The following NPSR1 variants were observed in gnomAD, a reference collection of about 807,000 sequenced individuals.
The protein encoded by NPSR1 is neuropeptide S receptor.
Under a neutral mutation model 46.9 loss-of-function variants are expected in NPSR1, and 48 were observed. That is an observed-to-expected ratio of 1.02 (90% CI 0.81 to 1.30). The LOEUF (loss-of-function observed/expected upper bound fraction) is 1.30, where lower values mean the gene tolerates loss of function less well. Ranked by LOEUF, NPSR1 falls within the 50% of genes most tolerant of loss-of-function variation. NPSR1 has a pLI of 0.00. For synonymous variants in NPSR1, 176 were observed against 168.1 expected (o/e 1.05, Z -0.36); for missense variants, 450 against 449.5 (o/e 1.00, Z -0.01).
At chr7:34,787,815 T>C (rs1787532669) in intron 3 of NPSR1, among the ~76,000 whole-genome samples, 1 of 152,084 alleles carries the variant, frequency 6.6e-6, no homozygotes, top group Admixed American at 6.6e-5. Flanking sequence ...CTTATATGGA[T>C]GTGATTTACA....
At chr7:34,743,841 A>G (rs1038968930) in intron 2 of NPSR1, among the ~76,000 whole-genome samples, 1 of 151,914 alleles carries the variant, frequency 6.6e-6, no homozygotes, top group African/African-American at 2.4e-5. Context: ...TTTTGTTATC[A>G]TTTTCTAGCT....
rs1211091205 is a variant in NPSR1, at chr7:34,774,171, A to C, written c.281-4291A>C. On this transcript the variant is annotated intron_variant, in intron 2 of 8. Transcript: ENST00000360581. Reference sequence around the variant, plus strand: ...GTCTTCCAAGGCTACCCCATAATTCAGCTGTACTTCAGTGATCATCTATTT... The same window carrying C: ...GTCTTCCAAGGCTACCCCATAATTCCGCTGTACTTCAGTGATCATCTATTT... Among the ~76,000 whole-genome samples, 3 of 152,194 alleles carry C rather than the reference A, an allele frequency of 2.0e-5. No individual in the cohort carries two copies. The East Asian group carries it at 5.8e-4, about 29-fold the overall frequency.
At chr7:34,806,643 A>G (rs571417818) in intron 3 of NPSR1, among the ~76,000 whole-genome samples, 1 of 152,222 alleles carries the variant, frequency 6.6e-6, no homozygotes, top group Admixed American at 6.5e-5. Context: ...GAACCTTAAT[A>G]TAAACAATGG....
rs1204275465 is a variant in NPSR1, at chr7:34,803,163, T to C, written c.385-8607T>C. 2.6e-5 allele frequency among the ~76,000 whole-genome samples: 4 copies of C among 151,652 alleles called. No individual in the cohort carries two copies. The East Asian group carries it at 5.8e-4, about 22-fold the overall frequency. On this transcript the variant is annotated intron_variant, in intron 3 of 8. Coordinates refer to ENST00000360581, the MANE Select transcript of NPSR1 (RefSeq NM_207172.2). ...CCCTTGTGGAAGTCAGTGTGGCGATTCCTCAGGGATCTAGAACTAGAAATA... is the reference window on the plus strand; with the variant it reads ...CCCTTGTGGAAGTCAGTGTGGCGATCCCTCAGGGATCTAGAACTAGAAATA...
chr7:34,780,312 A>G (rs1005249878), intron 3 of NPSR1, among the ~76,000 whole-genome samples: 9 of 152,168 alleles, frequency 5.9e-5, no homozygotes, highest in Admixed American at 5.2e-4. Context: ...TTGATAACCT[A>G]TGGTTTCTCC....
intron 8 of NPSR1, 75 bp from the exon 9 acceptor site, chr7:34,849,490 G>T (rs188835668): frequency 2.5e-6 from 4 of 1,603,526 alleles, no homozygotes; most frequent in African/African-American, 2.7e-5. Flanking sequence ...CATAACTATT[G>T]TCTCTTAACA....
chr7:34,803,620 T>C (rs1788537557), intron 3 of NPSR1, among the ~76,000 whole-genome samples: 1 of 151,890 alleles, frequency 6.6e-6, no homozygotes, highest in South Asian at 2.1e-4. Context: ...TAATGCTAAA[T>C]GACAAGTTAG....
At chr7:34,845,994 C>G (rs373274025) in intron 7 of NPSR1, among the ~76,000 whole-genome samples, 3 of 152,180 alleles carry the variant, frequency 2.0e-5, no homozygotes, top group African/African-American at 7.2e-5. Flanking sequence ...CTTTCTGAAA[C>G]GCAACTGCAA....
At chr7:34,725,154 G>C (rs1014135866) in intron 2 of NPSR1, among the ~76,000 whole-genome samples, 2 of 150,284 alleles carry the variant, frequency 1.3e-5, no homozygotes, top group African/African-American at 2.4e-5. Flanking sequence ...CACACACACA[G>C]AGCTCTCAGA....
intron 3 of NPSR1, among the ~76,000 whole-genome samples, chr7:34,789,552 G>A (rs1219893260): frequency 6.6e-6 from 1 of 151,746 alleles, no homozygotes; most frequent in Non-Finnish European, 1.5e-5. Context: ...CAGCACTTCG[G>A]GAGGCTGAGG....
chr7:34,859,860 G>A (rs922215791), intron 8 of NPSR1, among the ~76,000 whole-genome samples: 3 of 151,696 alleles, frequency 2.0e-5, no homozygotes, highest in Non-Finnish European at 4.4e-5. Context: ...CAATGGGCTG[G>A]TACTTAGGAG....
At chr7:34,676,455 A>C (rs1192554548) in intron 1 of NPSR1, among the ~76,000 whole-genome samples, 3 of 152,098 alleles carry the variant, frequency 2.0e-5, no homozygotes, top group South Asian at 2.1e-4. Flanking sequence ...CACTCCTCTG[A>C]AATTGTTTCC....
At chr7:34,684,351 CA>C (rs1792812323) in intron 1 of NPSR1, among the ~76,000 whole-genome samples, 200 bp from the exon 2 acceptor site, 1 of 152,110 alleles carries the variant, frequency 6.6e-6, no homozygotes, top group Non-Finnish European at 1.5e-5. Flanking sequence ...CGTATATTTC[CA>C]AAAGATTTTT....
At chr7:34,699,204 G>T (rs561513820) in intron 2 of NPSR1, among the ~76,000 whole-genome samples, 4 of 152,180 alleles carry the variant, frequency 2.6e-5, no homozygotes, top group African/African-American at 9.7e-5. Context: ...TATTGACCAG[G>T]TGTGGTGGCT....
intron 2 of NPSR1, among the ~76,000 whole-genome samples, chr7:34,737,049 G>C (rs1366992988): frequency 6.6e-6 from 1 of 151,290 alleles, no homozygotes; most frequent in East Asian, 2.0e-4. Flanking sequence ...TCCTCAACCA[G>C]ATGACTTTGT....
chr7:34,801,518 A>G (rs896563910), intron 3 of NPSR1, among the ~76,000 whole-genome samples: 1 of 131,820 alleles, frequency 7.6e-6, no homozygotes, highest in African/African-American at 3.3e-5. Context: ...AAATTCAACA[A>G]CCCTTCATGC....
At chr7:34,718,404 T>C (rs995406667) in intron 2 of NPSR1, among the ~76,000 whole-genome samples, 9 of 152,188 alleles carry the variant, frequency 5.9e-5, no homozygotes, top group African/African-American at 2.2e-4. Context: ...CAGCTCAGGA[T>C]TGCTGTAAAA....
intron 3 of NPSR1, among the ~76,000 whole-genome samples, chr7:34,795,235 A>T (rs189341811): frequency 8.5e-5 from 13 of 152,328 alleles, no homozygotes; most frequent in South Asian, 2.1e-4. Context: ...TTCAAAAAAA[A>T]TTCAGTAAAC....
At chr7:34,869,748 T>C (rs1791406414) in intron 8 of NPSR1, among the ~76,000 whole-genome samples, 1 of 151,844 alleles carries the variant, frequency 6.6e-6, no homozygotes. Flanking sequence ...CAAAAGTCCC[T>C]GACTTTAGGA....
Sources: allele counts gnomAD v4.1 joint callset (sites outside exome capture counted in the v4.1 genomes callset), GRCh38; gene constraint gnomAD v4.1.1; transcripts MANE v1.5; gene names NCBI Gene and HGNC (gene_info 2026-07-23, HGNC 2026-07-21).